The following FAM50B variants were observed in gnomAD, a reference collection of about 807,000 sequenced individuals.
The protein encoded by FAM50B is protein FAM50B.
A neutral mutation model predicts 25.4 loss-of-function variants in FAM50B; 9 were observed. The ratio of observed to expected loss-of-function variants is 0.35; its 90% CI spans 0.21 to 0.62. FAM50B has a LOEUF of 0.62. FAM50B is among the 20% of genes least tolerant of loss of function. FAM50B has a pLI of 0.73. For missense variants in FAM50B, 372 were observed against 477.9 expected, an observed-to-expected ratio of 0.78 and a Z score of 2.07; for synonymous variants, 212 against 204.3, an observed-to-expected ratio of 1.04 and a Z score of -0.32.
chr6:3,849,625 G>T, intron 1 of FAM50B, 139 bp downstream of exon 1: 2 of 1,017,080 alleles, frequency 2.0e-6, no homozygotes, highest in Non-Finnish European at 2.7e-6. Context: ...GCTGGAAATT[G>T]GTGCCTGGTG....
the FAM50B span, among the ~76,000 whole-genome samples, chr6:3,841,060 T>G: frequency 0.07 from 10,603 of 152,228 alleles, 678 homozygotes; most frequent in African/African-American, 0.16. Flanking sequence ...CAATCAATGG[T>G]GCTTCTAACA....
chr6:3,849,659 C>T (rs908947111), intron 1 of FAM50B, 130 bp from the exon 2 acceptor site: 6 of 1,350,354 alleles, frequency 4.4e-6, no homozygotes, highest in Non-Finnish European at 5.8e-6. Context: ...GGTGGTTACC[C>T]TAGCAGGTCG....
the FAM50B span, among the ~76,000 whole-genome samples, chr6:3,836,062 T>C: frequency 1.3e-5 from 2 of 151,774 alleles, no homozygotes; most frequent in African/African-American, 2.4e-5. Flanking sequence ...CAATGTGATA[T>C]TTGTTCGTTC....
the FAM50B span, among the ~76,000 whole-genome samples, chr6:3,844,204 T>C: frequency 6.6e-6 from 1 of 152,252 alleles, no homozygotes; most frequent in Non-Finnish European, 1.5e-5. Flanking sequence ...TGATGCTGTT[T>C]GCATATTTTA....
At position 3,849,925 on chromosome 6, in the gene FAM50B, G is replaced by A; in HGVS notation, c.114G>A (p.Glu38=). The A allele has an allele frequency of 3.7e-6, 6 of 1,613,744 alleles. No homozygotes were observed. Among genetic ancestry groups the A allele is most frequent in the Non-Finnish European group, 5.1e-6 (6 of 1,179,970 alleles). ...TGCTGAAGCAGCGCATCGCCGAGGAGACCATCCTCAAGTCGCAGGTGGACA... is the reference window on the plus strand; with the variant it reads ...TGCTGAAGCAGCGCATCGCCGAGGAAACCATCCTCAAGTCGCAGGTGGACA... ...MEVLKQRIAE[E]TILKSQVDKR... The change falls in exon 2 of 2, where the codon GAG becomes GAA. Residue 38 remains glutamate (E), a synonymous_variant. Transcript: ENST00000648326.
chr6:3,844,373 A>G (rs1762097837), upstream of FAM50B, among the ~76,000 whole-genome samples: 1 of 152,204 alleles, frequency 6.6e-6, no homozygotes, highest in African/African-American at 2.4e-5. Context: ...TAACAATAGA[A>G]TGTACCACAT....
Position 3,850,132 on chromosome 6 carries a change from G to A in FAM50B, c.321G>A (p.Gln107=). 1 of 1,610,508 alleles carries A rather than the reference G, an allele frequency of 6.2e-7. No homozygotes were observed. Among genetic ancestry groups the A allele is most frequent in the Non-Finnish European group, 8.5e-7 (1 of 1,179,018 alleles). Residue 107 remains glutamine (Q), a synonymous_variant, in exon 2 of 2, where the codon CAG becomes CAA. Coordinates refer to ENST00000648326, the MANE Select transcript of FAM50B (RefSeq NM_012135.3). ...TGCAGCAGGAGCGGCAGCGGGAGCAGGAGCAGCGGCGCGAGCGCAAGCGTA... is the reference window on the plus strand; with the variant it reads ...TGCAGCAGGAGCGGCAGCGGGAGCAAGAGCAGCGGCGCGAGCGCAAGCGTA... ...QRLQQERQRE[Q]EQRRERKRKI...
the FAM50B span, among the ~76,000 whole-genome samples, chr6:3,841,266 A>G: frequency 6.6e-6 from 1 of 152,244 alleles, no homozygotes; most frequent in Non-Finnish European, 1.5e-5. Flanking sequence ...CAGACTGGCA[A>G]CCACAGATGA....
At chr6:3,841,194 A>AT in the FAM50B span, among the ~76,000 whole-genome samples, 1 of 152,230 alleles carries the variant, frequency 6.6e-6, no homozygotes, top group East Asian at 1.9e-4. Context: ...CTGGGGCAGT[A>AT]TCTTCCATGT....
the FAM50B span, among the ~76,000 whole-genome samples, chr6:3,840,285 G>A: frequency 2.0e-5 from 3 of 151,918 alleles, no homozygotes; most frequent in East Asian, 2.0e-4. Flanking sequence ...GAGCCACCAC[G>A]TCCTGCCAAA....
At position 3,850,813 on chromosome 6, in the gene FAM50B, CG is replaced by C. The variant is rs34105433; in HGVS notation, c.*29del. ...AACACCCGCCTGCCAGAGCGGAAAC[CG>C]GGGGTGGGGGGAGACACTCATTTCT... On this transcript the variant is annotated 3_prime_UTR_variant, in exon 2 of 2. Coordinates refer to ENST00000648326, the MANE Select transcript of FAM50B (RefSeq NM_012135.3). The C allele has an allele frequency of 1.2e-6, 2 of 1,607,648 alleles. No homozygotes were observed. The highest frequency in any genetic ancestry group is 8.5e-7 in the Non-Finnish European group (1 of 1,176,086).
chr6:3,841,043 C>CCCAA, the FAM50B span, among the ~76,000 whole-genome samples: 1 of 152,154 alleles, frequency 6.6e-6, no homozygotes, highest in Non-Finnish European at 1.5e-5. Context: ...TTGTGGATTT[C>CCCAA]TTACCACAAT....
chr6:3,835,134 A>G, the FAM50B span, among the ~76,000 whole-genome samples: 1 of 152,172 alleles, frequency 6.6e-6, no homozygotes, highest in Admixed American at 6.6e-5. Context: ...CCAGCAGGTG[A>G]CAGTCCTGTT....
At position 3,851,035 on chromosome 6, in the gene FAM50B, C is replaced by A. The variant is rs906219223; in HGVS notation, c.*246C>A. 2 of 558,766 alleles carry A rather than the reference C, an allele frequency of 3.6e-6. No individual in the cohort carries two copies. The highest frequency in any genetic ancestry group is 3.5e-5 in the Admixed American group (1 of 28,286). 34.6% of individuals were successfully genotyped at this position (558,766 alleles called of 1,614,324 possible). A position where few individuals can be genotyped will look rare whatever the true frequency, so the allele number is the denominator to read the frequency against. ...TTGCTCTGCTGAGCTGTATTGAAAC[C>A]ATGACTGGGCCCACTGTCAGACAGA... On this transcript the variant is annotated 3_prime_UTR_variant, in exon 2 of 2. Transcript: ENST00000648326.
the FAM50B span, chr6:3,832,092 A>T: frequency 0.39 from 59,034 of 152,058 alleles, 11,599 homozygotes; most frequent in East Asian, 0.41. Context: ...AAGCCAATTG[A>T]GAAGCGTGTT....
upstream of FAM50B, among the ~76,000 whole-genome samples, chr6:3,847,673 T>C (rs571598452): frequency 1.1e-4 from 16 of 152,374 alleles, 1 homozygote; most frequent in East Asian, 1.7e-3. Context: ...CATTCAAGAT[T>C]TTTTTCCTTT....
the FAM50B span, among the ~76,000 whole-genome samples, chr6:3,840,681 AGTG>A: frequency 6.6e-6 from 1 of 152,182 alleles, no homozygotes; most frequent in African/African-American, 2.4e-5. Context: ...CACAGGGTGC[AGTG>A]GGTGCTTTTG....
chr6:3,845,567 A>G (rs1762110959), upstream of FAM50B, among the ~76,000 whole-genome samples: 1 of 152,108 alleles, frequency 6.6e-6, no homozygotes, highest in South Asian at 2.1e-4. Context: ...AGAGGAGACT[A>G]TTGGTAATTT....
Position 3,850,047 on chromosome 6 carries a change from C to T in FAM50B, c.236C>T (p.Ala79Val), listed in dbSNP as rs767162341. The T allele has an allele frequency of 8.1e-6, 13 of 1,612,934 alleles. No homozygotes were observed. In the South Asian group the frequency reaches 1.2e-4, roughly 15 times the overall value. The change falls in exon 2 of 2, where the codon GCC (alanine) becomes GTC (valine). Residue 79 changes from alanine (A) to valine (V), a missense_variant. Ala to Val is a moderately conservative substitution (Grantham distance 64, BLOSUM62 0). Transcript: ENST00000648326. ...AACGACATGAAGGCCCGGCAGGAGG[C>T]CCTGGTCAGGGAGCGCGAGCGGCAG... Reference protein sequence around the residue: ...TLNDMKARQEALVRERERQLA... With the variant: ...TLNDMKARQEVLVRERERQLA...
Sources: gnomAD v4.1 joint callset for allele counts (sites outside exome capture counted in the v4.1 genomes callset) on GRCh38, gnomAD v4.1.1 for gene constraint, MANE v1.5 for transcripts, NCBI Gene and HGNC (gene_info 2026-07-23, HGNC 2026-07-21) for gene names.